The following CCSER1 variants were observed in gnomAD, a reference collection of about 807,000 sequenced individuals.
The protein encoded by CCSER1 is coiled-coil serine rich protein 1.
Under a neutral mutation model 82.0 loss-of-function variants are expected in CCSER1, and 41 were observed. The ratio of observed to expected loss-of-function variants is 0.50; its 90% CI spans 0.39 to 0.65. CCSER1 has a LOEUF of 0.65. CCSER1 is among the 30% of genes least tolerant of loss of function. The pLI is 0.00. For synonymous variants in CCSER1, 414 were observed against 383.9 expected, an observed-to-expected ratio of 1.08 and a Z score of -0.92; for missense variants, 1,119 against 1,064.2, an observed-to-expected ratio of 1.05 and a Z score of -0.72.
chr4:90,778,958 T>C (rs1420952408), intron 7 of CCSER1, among the ~76,000 whole-genome samples: 1 of 152,188 alleles, frequency 6.6e-6, no homozygotes, highest in Admixed American at 6.5e-5. Context: ...TCATCCTAGT[T>C]AAATATACTT....
intron 5 of CCSER1, among the ~76,000 whole-genome samples, chr4:90,605,136 C>T (rs183301362): frequency 6.6e-6 from 1 of 152,170 alleles, no homozygotes; most frequent in Non-Finnish European, 1.5e-5. Flanking sequence ...TTGAAGCCAG[C>T]TAGACCACGA....
chr4:91,318,515 T>A (rs1057005226), intron 10 of CCSER1, among the ~76,000 whole-genome samples: 4 of 151,958 alleles, frequency 2.6e-5, no homozygotes, highest in African/African-American at 9.7e-5. Context: ...GAAAGAAAGT[T>A]TTTTATAGAC....
chr4:90,574,251 ATTTTTTTTTTTTTTTTTT>A (rs777629017), intron 5 of CCSER1, among the ~76,000 whole-genome samples: 7 of 86,048 alleles, frequency 8.1e-5, no homozygotes, highest in African/African-American at 4.3e-4. Flanking sequence ...AAACACATTA[ATTTTTTTTTTTTTTTTTT>A]TTTTTTTTTT....
At chr4:91,256,405 G>C (rs1174258989) in intron 10 of CCSER1, among the ~76,000 whole-genome samples, 1 of 152,098 alleles carries the variant, frequency 6.6e-6, no homozygotes, top group African/African-American at 2.4e-5. Context: ...CTACCCATTT[G>C]CCTTGTGATA....
intron 9 of CCSER1, among the ~76,000 whole-genome samples, chr4:91,075,987 A>T (rs1721952237): frequency 6.6e-6 from 1 of 152,170 alleles, no homozygotes; most frequent in Non-Finnish European, 1.5e-5. Context: ...TTCCAACTTG[A>T]AGACAGTCTT....
In CCSER1 at chr4:90,580,247, A is replaced by G. The variant is rs545475765; in HGVS notation, c.1725-47778A>G. Among the ~76,000 whole-genome samples the G allele has an allele frequency of 2.0e-5, 3 of 152,286 alleles. No homozygotes were observed. The East Asian group carries it at 5.8e-4, about 29-fold the overall frequency. On this transcript the variant is annotated intron_variant, in intron 5 of 10. Coordinates refer to ENST00000509176, the MANE Select transcript of CCSER1 (RefSeq NM_001145065.2). ...AACAAATTATTTCCAAAGCTGAAAT[A>G]CCACAGGTCAATGCCAGGTTCTCCT...
intron 3 of CCSER1, among the ~76,000 whole-genome samples, chr4:90,387,788 A>C (rs1750291479): frequency 6.6e-6 from 1 of 152,168 alleles, no homozygotes; most frequent in African/African-American, 2.4e-5. Flanking sequence ...AGAAGCTTAC[A>C]TTTGAATCCT....
intron 1 of CCSER1, among the ~76,000 whole-genome samples, chr4:90,202,502 CGTAAA>C (rs1737951467): frequency 6.6e-6 from 1 of 152,118 alleles, no homozygotes; most frequent in Non-Finnish European, 1.5e-5. Context: ...TGTGACCCGC[CGTAAA>C]TAAACTGTTT....
At chr4:91,511,669 T>C (rs562985629) in intron 10 of CCSER1, among the ~76,000 whole-genome samples, 63 of 152,244 alleles carry the variant, frequency 4.1e-4, no homozygotes, top group African/African-American at 1.4e-3. Context: ...TGTTGTGAAC[T>C]GCACATGTGA....
chr4:90,321,567 G>C (rs74497156), intron 3 of CCSER1, among the ~76,000 whole-genome samples: 6,461 of 152,050 alleles, frequency 0.042, 192 homozygotes, highest in African/African-American at 0.076. Flanking sequence ...TCTTTTTTCC[G>C]AGTGCATACT....
At chr4:91,201,327 G>A (rs1046616424) in intron 10 of CCSER1, among the ~76,000 whole-genome samples, 5 of 151,960 alleles carry the variant, frequency 3.3e-5, no homozygotes, top group Non-Finnish European at 7.4e-5. Flanking sequence ...TAACCTATAA[G>A]CTCAGTTTCC....
intron 10 of CCSER1, among the ~76,000 whole-genome samples, chr4:91,257,749 G>C (rs56788276): frequency 0.012 from 1,818 of 152,118 alleles, 27 homozygotes; most frequent in African/African-American, 0.041. Context: ...GAATTAGAAT[G>C]GTTCACCTTA....
At chr4:91,509,982 G>A (rs1453199049) in intron 10 of CCSER1, among the ~76,000 whole-genome samples, 1 of 152,038 alleles carries the variant, frequency 6.6e-6, no homozygotes, top group Non-Finnish European at 1.5e-5. Flanking sequence ...CCAGTTGTTA[G>A]TTTTTCAACC....
chr4:90,507,018 A>G (rs1054449886), intron 5 of CCSER1, among the ~76,000 whole-genome samples: 46 of 152,308 alleles, frequency 3.0e-4, no homozygotes, highest in African/African-American at 9.9e-4. Flanking sequence ...TAGTTATTGC[A>G]TACGTTTACT....
At chr4:91,295,599 T>G (rs1455067695) in intron 10 of CCSER1, among the ~76,000 whole-genome samples, 1 of 151,936 alleles carries the variant, frequency 6.6e-6, no homozygotes, top group Non-Finnish European at 1.5e-5. Context: ...AACAATTATT[T>G]TAGAAAACAT....
intron 3 of CCSER1, among the ~76,000 whole-genome samples, chr4:90,326,985 A>C (rs1469490512): frequency 6.6e-6 from 1 of 152,178 alleles, no homozygotes; most frequent in African/African-American, 2.4e-5. Context: ...CATTTTTCAT[A>C]AGCAATTCAG....
At chr4:90,975,929 A>C (rs1402316413) in intron 9 of CCSER1, among the ~76,000 whole-genome samples, 1 of 151,248 alleles carries the variant, frequency 6.6e-6, no homozygotes, top group South Asian at 2.1e-4. Context: ...TAAATGATGA[A>C]AAGAGACCTT....
intron 10 of CCSER1, among the ~76,000 whole-genome samples, chr4:91,216,833 C>T (rs72875110): frequency 0.058 from 8,834 of 152,144 alleles, 503 homozygotes; most frequent in African/African-American, 0.15. Context: ...AAAACTGATA[C>T]GCTTGGATTT....
At chr4:90,371,888 A>G (rs899107267) in intron 3 of CCSER1, among the ~76,000 whole-genome samples, 1 of 152,216 alleles carries the variant, frequency 6.6e-6, no homozygotes, top group Non-Finnish European at 1.5e-5. Context: ...ATGAATGTGA[A>G]TGTAATTAAT....
Sources: allele counts gnomAD v4.1 joint callset (sites outside exome capture counted in the v4.1 genomes callset), GRCh38; gene constraint gnomAD v4.1.1; transcripts MANE v1.5; gene names NCBI Gene and HGNC (gene_info 2026-07-23, HGNC 2026-07-21).